Variants in ANXA10 observed in about 807,000 individuals in gnomAD.
ANXA10 encodes the protein annexin A10.
In ANXA10, 49 loss-of-function variants were observed where a neutral mutation model predicts 53.5. That is an observed-to-expected ratio of 0.92 (90% CI 0.73 to 1.16). The LOEUF (loss-of-function observed/expected upper bound fraction) is 1.16, where lower values mean the gene tolerates loss of function less well. ANXA10 is among the 50% of genes most tolerant of loss of function. The probability of loss-of-function intolerance (pLI) is 0.00; values close to 1 mark genes in which losing one functional copy is unlikely to be tolerated. For missense variants in ANXA10, 393 were observed against 394.4 expected (o/e 1.00, Z 0.03); for synonymous variants, 131 against 128.9 (o/e 1.02, Z -0.11).
intron 2 of ANXA10, among the ~76,000 whole-genome samples, chr4:168,129,154 G>A (rs976410583): frequency 3.3e-5 from 5 of 152,050 alleles, no homozygotes; most frequent in Non-Finnish European, 7.4e-5. Context: ...CTTTACAGGA[G>A]CTTGACTGTG....
At chr4:168,164,135 A>G in intron 4 of ANXA10, 63 bp from the exon 5 acceptor site, 3 of 1,256,954 alleles carry the variant, frequency 2.4e-6, no homozygotes, top group Non-Finnish European at 3.4e-6. Flanking sequence ...TTCTTGTACA[A>G]AAGGTACACT....
intron 1 of ANXA10, among the ~76,000 whole-genome samples, chr4:168,123,306 A>T (rs1229398561): frequency 3.3e-5 from 5 of 152,086 alleles, no homozygotes; most frequent in Non-Finnish European, 7.4e-5. Flanking sequence ...GACTTTATTT[A>T]AAAACTATTG....
chr4:168,125,771 G>A (rs1386804363), intron 1 of ANXA10, among the ~76,000 whole-genome samples: 1 of 152,108 alleles, frequency 6.6e-6, no homozygotes, highest in Non-Finnish European at 1.5e-5. Context: ...ATGGTTTCTA[G>A]AACTAAATTT....
intron 1 of ANXA10, among the ~76,000 whole-genome samples, chr4:168,122,704 A>G (rs1033632767): frequency 6.6e-6 from 1 of 152,112 alleles, no homozygotes; most frequent in African/African-American, 2.4e-5. Context: ...GGAGCAAGAG[A>G]GATGACTGGC....
intron 1 of ANXA10, 71 bp from the exon 2 acceptor site, chr4:168,128,013 T>C: frequency 1.4e-6 from 2 of 1,402,776 alleles, no homozygotes; most frequent in South Asian, 2.3e-5. Flanking sequence ...TATGAGCCAC[T>C]GTGCCCGGCC....
intron 6 of ANXA10, among the ~76,000 whole-genome samples, chr4:168,166,619 G>T (rs1386206152): frequency 2.1e-5 from 3 of 143,910 alleles, no homozygotes; most frequent in Non-Finnish European, 3.0e-5. Context: ...GGTTTGGTTT[G>T]GTTTTGTGTT....
chr4:168,172,421 T>C (rs1258084881), intron 6 of ANXA10, among the ~76,000 whole-genome samples: 2 of 152,354 alleles, frequency 1.3e-5, no homozygotes, highest in African/African-American at 4.8e-5. Flanking sequence ...GGAGCTTACT[T>C]AGCTATAGAA....
At chr4:168,165,442 G>T in intron 6 of ANXA10, 116 bp downstream of exon 6, 1 of 464,276 alleles carries the variant, frequency 2.2e-6, no homozygotes, top group East Asian at 3.4e-5. Context: ...CAGTTCAATA[G>T]TAAATTCTGT....
chr4:168,137,903 AAC>A (rs1731263619), intron 2 of ANXA10, among the ~76,000 whole-genome samples: 1 of 151,690 alleles, frequency 6.6e-6, no homozygotes, highest in African/African-American at 2.4e-5. Context: ...CATTTCCACC[AAC>A]AGTCTTTAAG....
intron 2 of ANXA10, among the ~76,000 whole-genome samples, chr4:168,128,447 C>T (rs1363848392): frequency 1.3e-5 from 2 of 152,132 alleles, no homozygotes; most frequent in African/African-American, 4.8e-5. Context: ...GAAATCTCCA[C>T]TAAAACACCT....
At chr4:168,166,096 A>G (rs980333237) in intron 6 of ANXA10, among the ~76,000 whole-genome samples, 1 of 152,222 alleles carries the variant, frequency 6.6e-6, no homozygotes, top group African/African-American at 2.4e-5. Context: ...TTTAATAACA[A>G]CAAAACACTA....
At chr4:168,153,609 A>G (rs1429188607) in intron 3 of ANXA10, among the ~76,000 whole-genome samples, 1 of 152,136 alleles carries the variant, frequency 6.6e-6, no homozygotes, top group Non-Finnish European at 1.5e-5. Context: ...CTAACTAATC[A>G]TGTTTTATTT....
intron 2 of ANXA10, among the ~76,000 whole-genome samples, chr4:168,138,587 G>A (rs1007831100): frequency 2.0e-5 from 3 of 152,030 alleles, no homozygotes; most frequent in African/African-American, 4.8e-5. Context: ...CCCTTTTTTG[G>A]CTCCATATGA....
At chr4:168,150,524 G>A (rs1731478829) in intron 3 of ANXA10, among the ~76,000 whole-genome samples, 1 of 152,184 alleles carries the variant, frequency 6.6e-6, no homozygotes, top group South Asian at 2.1e-4. Flanking sequence ...ATGGTCTCCT[G>A]CCGAAAACTG....
chr4:168,108,496 C>G (rs1257188268), intron 1 of ANXA10, among the ~76,000 whole-genome samples: 1 of 152,148 alleles, frequency 6.6e-6, no homozygotes. Flanking sequence ...TTTCTCATGG[C>G]AAACAATCTT....
At chr4:168,158,529 C>T (rs970617311) in intron 3 of ANXA10, among the ~76,000 whole-genome samples, 1 of 151,944 alleles carries the variant, frequency 6.6e-6, no homozygotes, top group Non-Finnish European at 1.5e-5. Context: ...CTGGTACTTT[C>T]TTCTAGAAGA....
At chr4:168,152,643 T>C (rs1279905021) in intron 3 of ANXA10, among the ~76,000 whole-genome samples, 18 of 151,620 alleles carry the variant, frequency 1.2e-4, no homozygotes, top group Admixed American at 1.3e-4. Context: ...TTGAAGGAGA[T>C]TGCAAGGTAC....
At chr4:168,184,712 C>A (rs373246150) in intron 11 of ANXA10, 31 bp downstream of exon 11, 2 of 1,606,748 alleles carry the variant, frequency 1.2e-6, no homozygotes, top group South Asian at 1.1e-5. Flanking sequence ...TTATTTGGAC[C>A]CACATTTTCT....
intron 2 of ANXA10, among the ~76,000 whole-genome samples, chr4:168,131,025 T>G (rs2149470349): frequency 6.6e-6 from 1 of 152,074 alleles, no homozygotes; most frequent in South Asian, 2.1e-4. Flanking sequence ...TCTTTTCTTC[T>G]ATTTATGTTA....
Sources: gnomAD v4.1 joint callset for allele counts (sites outside exome capture counted in the v4.1 genomes callset) on GRCh38, gnomAD v4.1.1 for gene constraint, MANE v1.5 for transcripts, NCBI Gene and HGNC (gene_info 2026-07-23, HGNC 2026-07-21) for gene names.